AJAP1: variants seen among roughly 807,000 people sequenced by gnomAD.
The protein encoded by AJAP1 is adherens junctions associated protein 1, also known as adherens junction-associated protein 1.
AJAP1 carries 5 observed loss-of-function variants against 35.0 expected under a neutral mutation model. That is an observed-to-expected ratio of 0.14 (90% confidence interval 0.07 to 0.30). The LOEUF is 0.30. Ranked by LOEUF, AJAP1 falls within the 10% of genes least tolerant of loss-of-function variation. AJAP1 has a pLI of 1.00. For synonymous variants in AJAP1, 284 were observed against 249.3 expected (o/e 1.14, Z -1.31); for missense variants, 586 against 571.0 (o/e 1.03, Z -0.27).
rs58022692 is a variant in AJAP1, at chr1:4,705,395, CTTTTTTTTTTTTTT to C, written c.30-6484_30-6471del. Among the ~76,000 whole-genome samples, 77 of 23,798 alleles carry C rather than the reference CTTTTTTTTTTTTTT, an allele frequency of 3.2e-3. 1 individual carries two copies. The highest frequency in any genetic ancestry group is 5.2e-3 in the African/African-American group (35 of 6,726). The allele number at this position is 23,798 out of a possible 152,430, so 15.6% of individuals were successfully genotyped here. A position where few individuals can be genotyped will look rare whatever the true frequency, so the allele number is the denominator to read the frequency against. On this transcript the variant is annotated intron_variant, in intron 1 of 5. Coordinates refer to ENST00000378191, the MANE Select transcript of AJAP1 (RefSeq NM_018836.4). ...AGCCAAATGGGGAAGTTTTGAAGAG[CTTTTTTTTTTTTTT>C]TTTTTTTTTTTTTTTTTTTTAATGA... is the stretch of plus-strand genomic sequence containing the variant.
intron 1 of AJAP1, among the ~76,000 whole-genome samples, chr1:4,664,678 G>A (rs984487341): frequency 2.0e-5 from 3 of 152,052 alleles, no homozygotes; most frequent in African/African-American, 7.2e-5. Context: ...CCCTTTGGTG[G>A]CATCTGCCTG....
At position 4,772,411 on chromosome 1, in the gene AJAP1, A is replaced by G. The variant is rs1396058940; in HGVS notation, c.1049A>G (p.Tyr350Cys). Residue 350 changes from tyrosine (Y) to cysteine (C), a missense_variant, in exon 4 of 6, where the codon TAT (tyrosine) becomes TGT (cysteine). By Grantham distance (194) the Tyr-to-Cys change is radical (BLOSUM62 -2). Coordinates refer to ENST00000378191, the MANE Select transcript of AJAP1 (RefSeq NM_018836.4). ...VPSSLDIFTA[Y>C]NETLQCSHEC... ...AGCAGCCTGGACATATTCACGGCCT[A>G]TAACGAGACCCTGCAGTGTTCTCAC... 1 of 1,614,132 alleles carries G rather than the reference A, an allele frequency of 6.2e-7. No individual in the cohort carries two copies. The highest frequency in any genetic ancestry group is 2.2e-5 in the East Asian group (1 of 44,898).
intron 5 of AJAP1, among the ~76,000 whole-genome samples, chr1:4,779,392 G>A (rs1470491373): frequency 6.6e-6 from 1 of 151,110 alleles, no homozygotes; most frequent in Non-Finnish European, 1.5e-5. Flanking sequence ...CTGGAGTGCA[G>A]TGGCTCGATC....
intron 1 of AJAP1, among the ~76,000 whole-genome samples, chr1:4,668,069 G>T (rs1275005920): frequency 6.6e-6 from 1 of 152,114 alleles, no homozygotes; most frequent in Non-Finnish European, 1.5e-5. Context: ...ACAAAAATTA[G>T]CCAGGCGTGG....
chr1:4,708,494 A>C lies in AJAP1; in HGVS notation c.30-3406A>C, dbSNP rs115684057. On this transcript the variant is annotated intron_variant, in intron 1 of 5. Coordinates refer to ENST00000378191, the MANE Select transcript of AJAP1 (RefSeq NM_018836.4). The stretch of plus-strand genomic sequence containing the variant: ...CCCTCCCGAAATCTGTTCATCATGA[A>C]ATGAGAGGTGCTCAGGGCCAAGCCC... 7.7e-4 allele frequency among the ~76,000 whole-genome samples: 118 copies of C among 152,286 alleles called. 1 individual carries two copies. Among genetic ancestry groups the C allele is most frequent in the African/African-American group, 2.6e-3 (108 of 41,570 alleles).
rs951949546 is a variant in AJAP1, at chr1:4,697,890, C to A, written c.30-14010C>A. Among the ~76,000 whole-genome samples the A allele has an allele frequency of 1.3e-5, 2 of 152,252 alleles. 1 individual carries two copies. Among genetic ancestry groups the A allele is most frequent in the South Asian group, 4.1e-4 (2 of 4,836 alleles). On this transcript the variant is annotated intron_variant, in intron 1 of 5. Transcript: ENST00000378191. ...GTCCTCAGGGCAGCGTTCCAGTGGC[C>A]GGAGGAGAAGCAAGAGCCAAGGGGA...
chr1:4,688,882 C>T (rs756648658), intron 1 of AJAP1, among the ~76,000 whole-genome samples: 13 of 151,970 alleles, frequency 8.6e-5, no homozygotes, highest in East Asian at 1.9e-4. Context: ...CACAGGAGGA[C>T]GCTGAGCCCA....
chr1:4,676,174 C>T (rs1639357702), intron 1 of AJAP1, among the ~76,000 whole-genome samples: 1 of 152,170 alleles, frequency 6.6e-6, no homozygotes, highest in Non-Finnish European at 1.5e-5. Context: ...GTGCACCGGC[C>T]TTGCCTCCTC....
chr1:4,714,926 T>A (rs1016986840), intron 2 of AJAP1, among the ~76,000 whole-genome samples: 1 of 152,148 alleles, frequency 6.6e-6, no homozygotes, highest in Non-Finnish European at 1.5e-5. Flanking sequence ...AGGAACAATT[T>A]AGGTTACACA....
intron 1 of AJAP1, among the ~76,000 whole-genome samples, chr1:4,670,739 G>A (rs1639232281): frequency 6.6e-6 from 1 of 152,326 alleles, no homozygotes; most frequent in Non-Finnish European, 1.5e-5. Flanking sequence ...AGAATGCACT[G>A]GACAGCCTGT....
intron 1 of AJAP1, among the ~76,000 whole-genome samples, chr1:4,664,429 G>A (rs1004793257): frequency 1.3e-5 from 2 of 152,180 alleles, no homozygotes; most frequent in East Asian, 1.9e-4. Context: ...AGCGTTCTGA[G>A]CCTGGTAGGG....
At position 4,787,550 on chromosome 1, in the gene AJAP1, C is replaced by T; in HGVS notation, c.*5065C>T. 1 of 398,380 alleles carries T rather than the reference C, an allele frequency of 2.5e-6. No homozygotes were observed. The highest frequency in any genetic ancestry group is 1.8e-5 in the South Asian group (1 of 54,576). The allele number at this position is 398,380 out of a possible 1,614,324, so 24.7% of individuals were successfully genotyped here. A position where few individuals can be genotyped will look rare whatever the true frequency, so the allele number is the denominator to read the frequency against. On this transcript the variant is annotated 3_prime_UTR_variant, in exon 6 of 6. Coordinates refer to ENST00000378191, the MANE Select transcript of AJAP1 (RefSeq NM_018836.4). ...ATAAGACATCGCAGTTGTTACGACGCCTGGTTCTCCACCAAATTCCTCTGT... is the reference window on the plus strand; with the variant it reads ...ATAAGACATCGCAGTTGTTACGACGTCTGGTTCTCCACCAAATTCCTCTGT...
At chr1:4,718,560 G>A (rs1176476569) in intron 2 of AJAP1, among the ~76,000 whole-genome samples, 1 of 151,336 alleles carries the variant, frequency 6.6e-6, no homozygotes, top group East Asian at 1.9e-4. Context: ...TTGGCTCACT[G>A]CAACCTCTGC....
chr1:4,722,900 C>G (rs1640554468), intron 2 of AJAP1, among the ~76,000 whole-genome samples: 1 of 152,134 alleles, frequency 6.6e-6, no homozygotes, highest in African/African-American at 2.4e-5. Flanking sequence ...GGGCAAGGTT[C>G]CAGGAGGCTT....
At chr1:4,728,781 T>G (rs934122331) in intron 2 of AJAP1, among the ~76,000 whole-genome samples, 2 of 152,208 alleles carry the variant, frequency 1.3e-5, no homozygotes, top group African/African-American at 4.8e-5. Context: ...CTGCACTGGC[T>G]TTTTTGGGTG....
intron 2 of AJAP1, among the ~76,000 whole-genome samples, chr1:4,758,616 A>G (rs1457535377): frequency 1.3e-5 from 2 of 152,136 alleles, no homozygotes; most frequent in African/African-American, 4.8e-5. Context: ...AATTACCCCC[A>G]CTTGGTCTCT....
At chr1:4,781,159 C>T (rs1321709235) in intron 5 of AJAP1, among the ~76,000 whole-genome samples, 1 of 152,208 alleles carries the variant, frequency 6.6e-6, no homozygotes, top group East Asian at 1.9e-4. Flanking sequence ...GCCTGCCAGC[C>T]TCGCTGTCCA....
Position 4,772,310 on chromosome 1 carries a change from C to T in AJAP1, c.948C>T (p.Asn316=), listed in dbSNP as rs373888849. The change falls in exon 4 of 6, where the codon AAC becomes AAT. Residue 316 remains asparagine, a synonymous_variant. Transcript: ENST00000378191. ...CCAQSGNTRR[N]SHQRKTNQQE... ...CCCAAAGCGGGAACACTCGTCGGAA[C>T]AGCCACCAGCGGAAGACCAACCAGC... 1.7e-5 allele frequency: 27 copies of T among 1,614,184 alleles called. No homozygotes were observed. The highest frequency in any genetic ancestry group is 8.9e-5 in the East Asian group (4 of 44,860).
At chr1:4,763,300 T>C (rs1641613126) in intron 2 of AJAP1, among the ~76,000 whole-genome samples, 2 of 152,210 alleles carry the variant, frequency 1.3e-5, no homozygotes. Context: ...TGCCCTTCAC[T>C]GTGTTGTTGT....
Sources: allele counts gnomAD v4.1 joint callset (sites outside exome capture counted in the v4.1 genomes callset), GRCh38; gene constraint gnomAD v4.1.1; transcripts MANE v1.5; gene names NCBI Gene and HGNC (gene_info 2026-07-23, HGNC 2026-07-21).